SLC4A8: variants seen among roughly 807,000 people sequenced by gnomAD.
SLC4A8 encodes electroneutral sodium bicarbonate exchanger 1.
In SLC4A8, 40 loss-of-function variants were observed where a neutral mutation model predicts 125.0. The ratio of observed to expected loss-of-function variants is 0.32; its 90% CI spans 0.25 to 0.42. The LOEUF (loss-of-function observed/expected upper bound fraction) is 0.42, where lower values mean the gene tolerates loss of function less well. SLC4A8 is among the 10% of genes least tolerant of loss of function. The pLI, the probability that SLC4A8 is intolerant of heterozygous loss-of-function variation, is 1.00. For synonymous variants in SLC4A8, 456 were observed against 476.0 expected (o/e 0.96, Z 0.55); for missense variants, 863 against 1,355.1 (o/e 0.64, Z 5.70).
chr12:51,498,505 T>C (rs1180166885), intron 22 of SLC4A8, among the ~76,000 whole-genome samples: 1 of 151,982 alleles, frequency 6.6e-6, no homozygotes. Context: ...ACTTTTTTAC[T>C]TGTCGAATTG....
At chr12:51,433,431 G>C (rs1266647261) in intron 1 of SLC4A8, among the ~76,000 whole-genome samples, 2 of 151,792 alleles carry the variant, frequency 1.3e-5, no homozygotes, top group Middle Eastern at 3.2e-3. Context: ...TTTTTCTTAA[G>C]CTTATATAAT....
chr12:51,450,773 A>G (rs1949938519), intron 2 of SLC4A8, 103 bp from the exon 3 acceptor site: 2 of 1,276,136 alleles, frequency 1.6e-6, no homozygotes, highest in Non-Finnish European at 2.2e-6. Context: ...GACCAGACCA[A>G]AGAACTGTGA....
intron 2 of SLC4A8, among the ~76,000 whole-genome samples, chr12:51,442,266 G>T (rs1347167198): frequency 6.6e-6 from 1 of 152,092 alleles, no homozygotes; most frequent in Non-Finnish European, 1.5e-5. Context: ...TAAAATTTTT[G>T]TATGTTGCTC....
In SLC4A8 at chr12:51,495,057, C is replaced by T. The variant is rs1951425770; in HGVS notation, c.2882C>T (p.Thr961Ile). Residue 961 changes from threonine to isoleucine, a missense_variant, in exon 21 of 25, where the codon ACC (threonine) becomes ATC (isoleucine). Physicochemically the swap from Thr to Ile is moderately conservative, Grantham distance 89. Transcript: ENST00000453097. ...CACCTCTTCACCCTCATCCAGTTGACCTGTCTCGTCCTGCTCTGGGTCATC... is the reference window on the plus strand; with the variant it reads ...CACCTCTTCACCCTCATCCAGTTGATCTGTCTCGTCCTGCTCTGGGTCATC... Reference protein sequence around the residue: ...KVHLFTLIQLTCLVLLWVIKA... With the variant: ...KVHLFTLIQLICLVLLWVIKA... 1 of 1,614,184 alleles carries T rather than the reference C, an allele frequency of 6.2e-7. No homozygotes were observed. The highest frequency in any genetic ancestry group is 8.5e-7 in the Non-Finnish European group (1 of 1,179,974).
chr12:51,439,205 C>T (rs914074999), intron 1 of SLC4A8, among the ~76,000 whole-genome samples: 4 of 152,080 alleles, frequency 2.6e-5, no homozygotes, highest in Admixed American at 1.3e-4. Context: ...TACAGGCACG[C>T]ACCACCACAC....
intron 2 of SLC4A8, among the ~76,000 whole-genome samples, chr12:51,446,066 A>G (rs890325547): frequency 6.6e-6 from 1 of 152,204 alleles, no homozygotes; most frequent in Non-Finnish European, 1.5e-5. Flanking sequence ...ATGGTATTCA[A>G]TTTAGTATTT....
chr12:51,400,844 G>A (rs1337958626), intron 1 of SLC4A8, among the ~76,000 whole-genome samples: 2 of 110,310 alleles, frequency 1.8e-5, no homozygotes, highest in Admixed American at 9.6e-5. Flanking sequence ...AAACATATAT[G>A]TTTATATACG....
At chr12:51,393,224 C>T (rs1332896319) in intron 1 of SLC4A8, among the ~76,000 whole-genome samples, 1 of 152,088 alleles carries the variant, frequency 6.6e-6, no homozygotes, top group Non-Finnish European at 1.5e-5. Context: ...AAGCTGTTCT[C>T]CTGCTTCAGC....
chr12:51,481,620 T>C (rs563007199), intron 16 of SLC4A8, among the ~76,000 whole-genome samples: 1 of 152,194 alleles, frequency 6.6e-6, no homozygotes, highest in South Asian at 2.1e-4. Context: ...TTCTATCCTT[T>C]ACTTTAGGTA....
chr12:51,493,723 T>C lies in SLC4A8; in HGVS notation c.2720T>C (p.Leu907Pro). Reference protein sequence around the residue: ...AILKFIPMPVLYGVFLYMGVS... With the variant: ...AILKFIPMPVPYGVFLYMGVS... ...CTTCAGTTTATTCCAATGCCAGTAC[T>C]CTACGGAGTTTTCCTTTACATGGGA... Residue 907 changes from leucine to proline, a missense_variant, in exon 20 of 25, where the codon CTC becomes CCC. This residue lies in a region of SLC4A8 where 197 missense variants were observed against 377.7 expected (regional missense o/e 0.52). Coordinates refer to ENST00000453097, the MANE Select transcript of SLC4A8 (RefSeq NM_001039960.3). The C allele has an allele frequency of 6.2e-7, 1 of 1,610,310 alleles. No individual in the cohort carries two copies.
intron 7 of SLC4A8, among the ~76,000 whole-genome samples, 193 bp downstream of exon 7, chr12:51,458,843 TCAA>T (rs1474184963): frequency 2.0e-5 from 3 of 152,216 alleles, no homozygotes; most frequent in African/African-American, 7.2e-5. Context: ...TGAAGCTGAC[TCAA>T]CAGTTTCTTT....
At chr12:51,392,187 A>C (rs1170615169) in intron 1 of SLC4A8, 1 of 152,404 alleles carries the variant, frequency 6.6e-6, no homozygotes, top group Non-Finnish European at 1.5e-5. Flanking sequence ...ATTATTCCGA[A>C]TGTACCGGGG....
At chr12:51,400,727 TA>T (rs1948358256) in intron 1 of SLC4A8, among the ~76,000 whole-genome samples, 6 of 258 alleles carry the variant, frequency 0.023, no homozygotes, top group Non-Finnish European at 0.045. Flanking sequence ...TGAACTCCTT[TA>T]TATATATATA....
At chr12:51,399,585 C>T (rs546064682) in intron 1 of SLC4A8, among the ~76,000 whole-genome samples, 7 of 152,262 alleles carry the variant, frequency 4.6e-5, no homozygotes, top group South Asian at 4.1e-4. Flanking sequence ...TCTAGGTAGA[C>T]GGACATATCA....
rs1207334737 is a variant in SLC4A8, at chr12:51,510,477, C to G, written c.*3039C>G. The stretch of plus-strand genomic sequence containing the variant: ...ATAGGAGGTATTCCTTGATGGCTCT[C>G]GAATGCATGAATGATATATCAATTT... On this transcript the variant is annotated 3_prime_UTR_variant, in exon 25 of 25. Coordinates refer to ENST00000453097, the MANE Select transcript of SLC4A8 (RefSeq NM_001039960.3). The G allele has an allele frequency of 6.6e-6, 1 of 151,356 alleles. No individual in the cohort carries two copies. The highest frequency in any genetic ancestry group is 1.9e-4 in the East Asian group (1 of 5,162). The allele number at this position is 151,356 out of a possible 1,614,324, so 9.4% of individuals were successfully genotyped here. A position where few individuals can be genotyped will look rare whatever the true frequency, so the allele number is the denominator to read the frequency against.
intron 22 of SLC4A8, chr12:51,498,006 A>C (rs1937645707): frequency 6.6e-6 from 1 of 152,002 alleles, no homozygotes; most frequent in Non-Finnish European, 1.5e-5. Context: ...AGCTGTGATC[A>C]TGCCACTGCA....
intron 4 of SLC4A8, 86 bp from the exon 5 acceptor site, chr12:51,453,453 C>T: frequency 7.3e-7 from 1 of 1,364,888 alleles, no homozygotes; most frequent in East Asian, 2.3e-5. Context: ...ATCCAGATAT[C>T]TTCCTCTGTG....
chr12:51,481,480 T>C (rs1018427285), intron 16 of SLC4A8, among the ~76,000 whole-genome samples: 1 of 152,198 alleles, frequency 6.6e-6, no homozygotes, highest in African/African-American at 2.4e-5. Flanking sequence ...CTGACGAAGC[T>C]ATCACAGAAA....
intron 1 of SLC4A8, among the ~76,000 whole-genome samples, chr12:51,413,752 G>T (rs2137977404): frequency 6.6e-6 from 1 of 152,164 alleles, no homozygotes; most frequent in South Asian, 2.1e-4. Context: ...TTATTTCTGG[G>T]TTCTCTATTC....
Sources: gnomAD v4.1 joint callset for allele counts (sites outside exome capture counted in the v4.1 genomes callset) on GRCh38, gnomAD v4.1.1 for gene constraint, gnomAD v4.1.1 regional missense constraint, MANE v1.5 for transcripts, NCBI Gene and HGNC (gene_info 2026-07-23, HGNC 2026-07-21) for gene names.